The following GRIN2B variants were observed in gnomAD, a reference collection of about 807,000 sequenced individuals.
GRIN2B encodes glutamate receptor ionotropic, NMDA 2B.
A neutral mutation model predicts 114.5 loss-of-function variants in GRIN2B; 5 were observed. The ratio of observed to expected loss-of-function variants is 0.04; its 90% confidence interval spans 0.02 to 0.09. GRIN2B has a LOEUF of 0.09. Among genes scored for constraint, GRIN2B ranks in the 10% least tolerant of loss-of-function variants. The pLI is 1.00. For missense variants in GRIN2B, 1,108 were observed against 1,943.5 expected, an observed-to-expected ratio of 0.57 and a Z score of 8.08; for synonymous variants, 787 against 745.1, an observed-to-expected ratio of 1.06 and a Z score of -0.92.
rs1346391018 is a variant in GRIN2B, at chr12:13,538,575, GA to G, written c.*24207del. 1 of 152,110 alleles carries G rather than the reference GA, an allele frequency of 6.6e-6. No individual in the cohort carries two copies. Among genetic ancestry groups the G allele is most frequent in the African/African-American group, 2.4e-5 (1 of 41,426 alleles). The allele number at this position is 152,110 out of a possible 1,614,324, so 9.4% of individuals were successfully genotyped here. Reference sequence around the variant, plus strand: ...CACACCTGTAATCCTAGCATCATAGGAAGCCGAGGCAGGCAGATCACTTGAA... The same window carrying G: ...CACACCTGTAATCCTAGCATCATAGGAGCCGAGGCAGGCAGATCACTTGAA... On this transcript the variant is annotated 3_prime_UTR_variant, in exon 14 of 14. Coordinates refer to ENST00000609686, the MANE Select transcript of GRIN2B (RefSeq NM_000834.5).
chr12:13,871,698 C>A (rs755070998), intron 2 of GRIN2B, among the ~76,000 whole-genome samples: 1 of 146,026 alleles, frequency 6.8e-6, no homozygotes. Flanking sequence ...TTTTAAAAGA[C>A]GTAAAGTCCT....
At chr12:13,830,988 C>T (rs975387767) in intron 3 of GRIN2B, among the ~76,000 whole-genome samples, 1 of 152,206 alleles carries the variant, frequency 6.6e-6, no homozygotes, top group African/African-American at 2.4e-5. Flanking sequence ...AGGTGGATCT[C>T]TCATGAATGG....
intron 2 of GRIN2B, among the ~76,000 whole-genome samples, chr12:13,969,040 G>T (rs1867835721): frequency 6.6e-6 from 1 of 152,208 alleles, no homozygotes. Flanking sequence ...GAATGGTAGG[G>T]GTAGGCTAAG....
At position 13,795,060 on chromosome 12, in the gene GRIN2B, C is replaced by T. The variant is rs536121798; in HGVS notation, c.412-41145G>A. 3.3e-5 allele frequency among the ~76,000 whole-genome samples: 5 copies of T among 152,250 alleles called. No homozygotes were observed. The South Asian group carries it at 8.3e-4, about 25-fold the overall frequency. On this transcript the variant is annotated intron_variant, in intron 3 of 13. Transcript: ENST00000609686. ...TGAGACTTAAAGGAGCAATTAAAGCCCAGCTCTGCTCACTCATGAGAATTC... is the reference window on the plus strand; with the variant it reads ...TGAGACTTAAAGGAGCAATTAAAGCTCAGCTCTGCTCACTCATGAGAATTC...
In GRIN2B at chr12:13,550,670, T is replaced by A. The variant is rs1238016550; in HGVS notation, c.*12113A>T. 1 of 152,154 alleles carries A rather than the reference T, an allele frequency of 6.6e-6. No individual in the cohort carries two copies. The highest frequency in any genetic ancestry group is 1.9e-4 in the East Asian group (1 of 5,186). 9.4% of individuals were successfully genotyped at this position (152,154 alleles called of 1,614,324 possible). Reference sequence around the variant, plus strand: ...CCACAAAGAAAATGCTGCCTTCACATAAAGCCTCTTTTCTGTAATCCAAGA... The same window carrying A: ...CCACAAAGAAAATGCTGCCTTCACAAAAAGCCTCTTTTCTGTAATCCAAGA... On this transcript the variant is annotated 3_prime_UTR_variant, in exon 14 of 14. Coordinates refer to ENST00000609686, the MANE Select transcript of GRIN2B (RefSeq NM_000834.5).
chr12:13,616,464 A>T lies in GRIN2B; in HGVS notation c.1319T>A (p.Ile440Lys). Residue 440 changes from isoleucine to lysine, a missense_variant, in exon 6 of 14, where the codon ATA becomes AAA. Coordinates refer to ENST00000609686, the MANE Select transcript of GRIN2B (RefSeq NM_000834.5). ...TGAGAGGATGCCATACTCAGTGACTATGCGTTTTTGGCAGGGGACTGTGTT... is the reference window on the plus strand; with the variant it reads ...TGAGAGGATGCCATACTCAGTGACTTTGCGTTTTTGGCAGGGGACTGTGTT... Reference protein sequence around the residue: ...MRNTVPCQKRIVTENKTDEEP... With the variant: ...MRNTVPCQKRKVTENKTDEEP... 6.2e-7 allele frequency: 1 copy of T among 1,612,714 alleles called. No individual in the cohort carries two copies. Among genetic ancestry groups the T allele is most frequent in the Non-Finnish European group, 8.5e-7 (1 of 1,179,078 alleles).
intron 2 of GRIN2B, among the ~76,000 whole-genome samples, chr12:13,960,859 A>T (rs1359769648): frequency 6.6e-6 from 1 of 152,216 alleles, no homozygotes; most frequent in Non-Finnish European, 1.5e-5. Flanking sequence ...CAAACAAAAG[A>T]TAGACATGAG....
chr12:13,833,950 G>A (rs551884496), intron 3 of GRIN2B, among the ~76,000 whole-genome samples: 68 of 150,656 alleles, frequency 4.5e-4, no homozygotes, highest in Non-Finnish European at 7.8e-4. Context: ...TTGCTGCCTC[G>A]TGATGTACAC....
intron 3 of GRIN2B, among the ~76,000 whole-genome samples, chr12:13,787,936 A>G (rs937662338): frequency 1.3e-5 from 2 of 152,240 alleles, no homozygotes; most frequent in African/African-American, 4.8e-5. Flanking sequence ...CCAGCCTGCA[A>G]ATACCAACTT....
rs748934830 is a variant in GRIN2B at position 13,552,610 on chromosome 12, G to A, written c.*10173C>T. 1.3e-5 allele frequency: 2 copies of A among 151,830 alleles called. No homozygotes were observed. Among genetic ancestry groups the A allele is most frequent in the Admixed American group, 6.6e-5 (1 of 15,250 alleles). 9.4% of individuals were successfully genotyped at this position (151,830 alleles called of 1,614,324 possible). A position where few individuals can be genotyped will look rare whatever the true frequency, so the allele number is the denominator to read the frequency against. ...ATGAACGTCCTTCATGAGGATGGCT[G>A]TCTTCCTACCCTCCCACCAGCTGTT... is the stretch of plus-strand genomic sequence containing the variant. On this transcript the variant is annotated 3_prime_UTR_variant, in exon 14 of 14. Coordinates refer to ENST00000609686, the MANE Select transcript of GRIN2B (RefSeq NM_000834.5).
At chr12:13,962,601 C>A (rs186087202) in intron 2 of GRIN2B, among the ~76,000 whole-genome samples, 4 of 152,324 alleles carry the variant, frequency 2.6e-5, no homozygotes, top group Admixed American at 2.6e-4. Context: ...TGTCTGTTTG[C>A]CACCATTTAC....
chr12:13,729,829 G>A (rs1863053880), intron 4 of GRIN2B, among the ~76,000 whole-genome samples: 1 of 107,804 alleles, frequency 9.3e-6, no homozygotes, highest in African/African-American at 3.6e-5. Flanking sequence ...GGGGAGGGGG[G>A]TGGGAGGATA....
intron 4 of GRIN2B, among the ~76,000 whole-genome samples, chr12:13,686,466 A>G (rs774697180): frequency 6.6e-6 from 1 of 151,832 alleles, no homozygotes; most frequent in Non-Finnish European, 1.5e-5. Context: ...TTGTCAGGGG[A>G]TCCTAGCTCT....
chr12:13,754,377 A>G (rs1863541397), intron 3 of GRIN2B, among the ~76,000 whole-genome samples: 1 of 152,060 alleles, frequency 6.6e-6, no homozygotes, highest in African/African-American at 2.4e-5. Flanking sequence ...CATACTTTCC[A>G]TTTTTCAAGG....
At chr12:13,587,088 T>C (rs990329411) in intron 10 of GRIN2B, among the ~76,000 whole-genome samples, 5 of 152,128 alleles carry the variant, frequency 3.3e-5, no homozygotes, top group Admixed American at 3.3e-4. Flanking sequence ...ATTATAAATA[T>C]GTTAAATATT....
chr12:13,566,947 C>G, intron 13 of GRIN2B, 78 bp downstream of exon 13: 1 of 977,684 alleles, frequency 1.0e-6, no homozygotes, highest in Non-Finnish European at 1.7e-6. Flanking sequence ...ATAGTGTCCT[C>G]TTGGTTCTCT....
At chr12:13,847,613 A>AT (rs1439296147) in intron 3 of GRIN2B, among the ~76,000 whole-genome samples, 1 of 151,940 alleles carries the variant, frequency 6.6e-6, no homozygotes, top group Non-Finnish European at 1.5e-5. Context: ...GTCACAGGAG[A>AT]TGGGGGGGAG....
chr12:13,895,871 G>A (rs1395228989), intron 2 of GRIN2B, among the ~76,000 whole-genome samples: 1 of 152,070 alleles, frequency 6.6e-6, no homozygotes, highest in Non-Finnish European at 1.5e-5. Context: ...TAAGAGTCCT[G>A]TGCCTATTAA....
At chr12:13,566,870 A>G (rs987426643) in intron 13 of GRIN2B, among the ~76,000 whole-genome samples, 155 bp downstream of exon 13, 2 of 152,230 alleles carry the variant, frequency 1.3e-5, no homozygotes, top group Non-Finnish European at 2.9e-5. Flanking sequence ...ACTTGCAATC[A>G]TATCACACAA....
Sources: gnomAD v4.1 joint callset for allele counts (sites outside exome capture counted in the v4.1 genomes callset) on GRCh38, gnomAD v4.1.1 for gene constraint, MANE v1.5 for transcripts, NCBI Gene and HGNC (gene_info 2026-07-23, HGNC 2026-07-21) for gene names.